Variants in LPP observed in about 807,000 individuals in gnomAD.
The protein encoded by LPP is LIM domain containing preferred translocation partner in lipoma.
In LPP, 38 loss-of-function variants were observed where a neutral mutation model predicts 60.4. That is an observed-to-expected ratio of 0.63 (90% CI 0.49 to 0.83). The LOEUF is 0.83. Among genes scored for constraint, LPP ranks in the 40% least tolerant of loss-of-function variants. The probability of loss-of-function intolerance (pLI) is 0.00; values close to 1 mark genes in which losing one functional copy is unlikely to be tolerated. For synonymous variants in LPP, 328 were observed against 290.8 expected, an observed-to-expected ratio of 1.13 and a Z score of -1.30; for missense variants, 902 against 783.6, an observed-to-expected ratio of 1.15 and a Z score of -1.80.
chr3:188,371,818 C>G (rs1160797151), intron 3 of LPP, among the ~76,000 whole-genome samples: 1 of 149,544 alleles, frequency 6.7e-6, no homozygotes, highest in Non-Finnish European at 1.5e-5. Context: ...CGACACCTGG[C>G]TAATTATTTT....
chr3:188,421,899 C>T (rs1451106759), intron 4 of LPP, among the ~76,000 whole-genome samples: 2 of 152,088 alleles, frequency 1.3e-5, no homozygotes, highest in Non-Finnish European at 2.9e-5. Context: ...AAAAGTGGTC[C>T]ACCAAGGTTA....
intron 2 of LPP, among the ~76,000 whole-genome samples, chr3:188,307,425 T>C (rs547199663): frequency 4.1e-4 from 62 of 152,324 alleles, no homozygotes; most frequent in African/African-American, 1.4e-3. Context: ...AAGCCTCAAA[T>C]CAATGATTAG....
intron 3 of LPP, among the ~76,000 whole-genome samples, chr3:188,394,294 A>C (rs1780381356): frequency 6.6e-6 from 1 of 152,232 alleles, no homozygotes; most frequent in South Asian, 2.1e-4. Flanking sequence ...AATAGGTGGT[A>C]CTTATGGGAA....
At chr3:188,844,317 A>G (rs1402572385) in intron 9 of LPP, among the ~76,000 whole-genome samples, 1 of 152,178 alleles carries the variant, frequency 6.6e-6, no homozygotes, top group South Asian at 2.1e-4. Context: ...TCATGTGGCA[A>G]TGTCTGTTTT....
intron 8 of LPP, among the ~76,000 whole-genome samples, chr3:188,735,422 C>T (rs999870056): frequency 3.3e-5 from 5 of 151,820 alleles, no homozygotes. Context: ...GCTCTCATCC[C>T]CCAGGCTGGA....
intron 4 of LPP, among the ~76,000 whole-genome samples, chr3:188,465,723 A>C (rs779186664): frequency 6.6e-6 from 1 of 152,188 alleles, no homozygotes; most frequent in Non-Finnish European, 1.5e-5. Context: ...ATTTACTCTT[A>C]ATAGGAGGCC....
intron 6 of LPP, among the ~76,000 whole-genome samples, chr3:188,580,099 A>AGTAT (rs1835723484): frequency 6.6e-6 from 1 of 152,204 alleles, no homozygotes; most frequent in Non-Finnish European, 1.5e-5. Context: ...GGCTTATACA[A>AGTAT]ACCATAGTAC....
intron 6 of LPP, among the ~76,000 whole-genome samples, chr3:188,528,570 C>T (rs576769802): frequency 1.3e-5 from 2 of 152,270 alleles, no homozygotes; most frequent in South Asian, 4.2e-4. Context: ...AATTCATCAT[C>T]ACTGATATTT....
At chr3:188,227,434 A>G (rs1718216791) in intron 2 of LPP, among the ~76,000 whole-genome samples, 1 of 148,210 alleles carries the variant, frequency 6.7e-6, no homozygotes, top group Admixed American at 6.9e-5. Flanking sequence ...AGACTGGAAG[A>G]GTCTTAGAAG....
rs551792033 is a variant in LPP at position 188,285,946 on chromosome 3, C to T, written c.-66-55717C>T. On this transcript the variant is annotated intron_variant, in intron 2 of 11. Transcript: ENST00000617246. ...TGGGAAGACCCTTTGTAAGCTGTAC[C>T]GAACTCTTTGTATTTTTGGAGCACA... Among the ~76,000 whole-genome samples the T allele has an allele frequency of 9.2e-5, 14 of 152,254 alleles. No homozygotes were observed. The South Asian group carries it at 1.0e-3, about 11-fold the overall frequency.
intron 3 of LPP, among the ~76,000 whole-genome samples, chr3:188,341,980 A>C (rs1201169557): frequency 6.6e-6 from 1 of 152,180 alleles, no homozygotes; most frequent in Non-Finnish European, 1.5e-5. Flanking sequence ...TTCAGATTTA[A>C]TGTGTATGTA....
intron 9 of LPP, among the ~76,000 whole-genome samples, chr3:188,810,478 A>AGC (rs757873142): frequency 1.2e-4 from 18 of 152,126 alleles, no homozygotes; most frequent in Non-Finnish European, 2.5e-4. Context: ...AAAGAGAGAG[A>AGC]GAGAGAGAGG....
At position 188,183,163 on chromosome 3, in the gene LPP, T is replaced by C. The variant is rs147570911; in HGVS notation, c.-190+28911T>C. On this transcript the variant is annotated intron_variant, in intron 1 of 11. Transcript: ENST00000617246. ...GTAGAAGTGGGTGAAGAGGTTGAAC[T>C]CTTGTCCTCGGATCTCTGAGCTTGA... Among the ~76,000 whole-genome samples the C allele has an allele frequency of 3.8e-3, 576 of 152,288 alleles. 6 individuals carry two copies. The highest frequency in any genetic ancestry group is 0.013 in the African/African-American group (537 of 41,548).
chr3:188,794,614 T>A (rs1163291992), intron 9 of LPP, among the ~76,000 whole-genome samples: 1 of 152,144 alleles, frequency 6.6e-6, no homozygotes, highest in African/African-American at 2.4e-5. Flanking sequence ...GATTTGAGAT[T>A]CAGCACAAAA....
chr3:188,733,148 A>G (rs956038354), intron 8 of LPP, among the ~76,000 whole-genome samples: 8 of 152,076 alleles, frequency 5.3e-5, no homozygotes, highest in African/African-American at 1.9e-4. Flanking sequence ...GTAGTCGTAA[A>G]TTTTAATCCA....
chr3:188,849,940 G>A (rs1172861324), intron 9 of LPP, among the ~76,000 whole-genome samples: 1 of 152,094 alleles, frequency 6.6e-6, no homozygotes, highest in African/African-American at 2.4e-5. Context: ...TGATTTTCTG[G>A]CTATCCATAG....
At chr3:188,497,093 G>T (rs1810457805) in intron 5 of LPP, among the ~76,000 whole-genome samples, 2 of 150,948 alleles carry the variant, frequency 1.3e-5, no homozygotes, top group African/African-American at 4.9e-5. Flanking sequence ...GGTTTTTTTT[G>T]AAATAAAAAT....
intron 2 of LPP, among the ~76,000 whole-genome samples, chr3:188,271,615 T>C (rs1158655340): frequency 1.3e-5 from 2 of 152,340 alleles, no homozygotes; most frequent in East Asian, 3.9e-4. Context: ...GGCATGATTT[T>C]AAATGCTCCT....
chr3:188,505,346 C>T (rs1197551598), intron 5 of LPP, among the ~76,000 whole-genome samples: 1 of 152,116 alleles, frequency 6.6e-6, no homozygotes, highest in African/African-American at 2.4e-5. Flanking sequence ...TCTTTACCAC[C>T]CCCTCCTCCT....
Sources: gnomAD v4.1 joint callset for allele counts (sites outside exome capture counted in the v4.1 genomes callset) on GRCh38, gnomAD v4.1.1 for gene constraint, MANE v1.5 for transcripts, NCBI Gene and HGNC (gene_info 2026-07-23, HGNC 2026-07-21) for gene names.